The following LRRC8D variants were observed in gnomAD, a reference collection of about 807,000 sequenced individuals.
LRRC8D encodes the protein leucine rich repeat containing 8 VRAC subunit D, also known as volume-regulated anion channel subunit LRRC8D.
Under a neutral mutation model 55.8 loss-of-function variants are expected in LRRC8D, and 20 were observed. The ratio of observed to expected loss-of-function variants is 0.36; its 90% CI spans 0.25 to 0.52. LRRC8D has a LOEUF of 0.52. Ranked by LOEUF, LRRC8D falls within the 20% of genes least tolerant of loss-of-function variation. The pLI, the probability that LRRC8D is intolerant of heterozygous loss-of-function variation, is 0.93. For missense variants in LRRC8D, 651 were observed against 1,030.8 expected (o/e 0.63, Z 5.05); for synonymous variants, 352 against 377.0 (o/e 0.93, Z 0.77).
chr1:89,932,173 C>A (rs897412730), intron 2 of LRRC8D, among the ~76,000 whole-genome samples: 1 of 152,176 alleles, frequency 6.6e-6, no homozygotes, highest in Non-Finnish European at 1.5e-5. Context: ...TTTCAAGTTT[C>A]CTGGCACCGG....
chr1:89,876,702 T>G (rs749690710), intron 2 of LRRC8D, among the ~76,000 whole-genome samples: 4 of 152,240 alleles, frequency 2.6e-5, no homozygotes, highest in Non-Finnish European at 5.9e-5. Context: ...AAAGTTTCTT[T>G]GGAACATAGC....
chr1:89,902,157 T>G (rs1362639021), intron 2 of LRRC8D, among the ~76,000 whole-genome samples: 1 of 152,280 alleles, frequency 6.6e-6, no homozygotes, highest in Admixed American at 6.5e-5. Context: ...CCACAACAAT[T>G]AAATGCCAGA....
chr1:89,870,529 T>C (rs1661981350), intron 2 of LRRC8D, among the ~76,000 whole-genome samples: 1 of 152,258 alleles, frequency 6.6e-6, no homozygotes, highest in East Asian at 1.9e-4. Flanking sequence ...CTCAGTTTTC[T>C]AAGTCAAGAA....
At position 89,843,458 on chromosome 1, in the gene LRRC8D, A is replaced by T. The variant is rs1387907844; in HGVS notation, c.-147-180A>T. 3 of 420,024 alleles carry T rather than the reference A, an allele frequency of 7.1e-6. No homozygotes were observed. The East Asian group carries it at 1.2e-4, about 16-fold the overall frequency. 26.0% of individuals were successfully genotyped at this position (420,024 alleles called of 1,614,324 possible). ...CGGGCCGAGGCCGCGCCACCTCGGCACCACGCGGGCAGCCGGTGCGGCGGG... is the reference window on the plus strand; with the variant it reads ...CGGGCCGAGGCCGCGCCACCTCGGCTCCACGCGGGCAGCCGGTGCGGCGGG... On this transcript the variant is annotated intron_variant, in intron 1 of 2. Coordinates refer to ENST00000337338, the MANE Select transcript of LRRC8D (RefSeq NM_001134479.2).
intron 2 of LRRC8D, among the ~76,000 whole-genome samples, chr1:89,883,221 CGTGTGTGT>C (rs149154219): frequency 2.0e-5 from 3 of 149,048 alleles, no homozygotes; most frequent in African/African-American, 7.3e-5. Flanking sequence ...CGTGTGTAGG[CGTGTGTGT>C]GTGTGTGTGT....
intron 2 of LRRC8D, among the ~76,000 whole-genome samples, chr1:89,917,190 A>G (rs1187291225): frequency 3.3e-5 from 5 of 152,120 alleles, no homozygotes; most frequent in Non-Finnish European, 5.9e-5. Flanking sequence ...GGTGCAAACT[A>G]TTTGCCCTAA....
chr1:89,933,908 T>A lies in LRRC8D; in HGVS notation c.840T>A (p.Asp280Glu). 1 of 1,613,908 alleles carries A rather than the reference T, an allele frequency of 6.2e-7. No homozygotes were observed. Among genetic ancestry groups the A allele is most frequent in the Non-Finnish European group, 8.5e-7 (1 of 1,179,892 alleles). The change falls in exon 3 of 3, where the codon GAT (aspartate) becomes GAA (glutamate). Residue 280 changes from aspartate to glutamate, a missense_variant. Transcript: ENST00000337338. The surrounding 1 kb of genome is among the most constrained non-coding windows in gnomAD (Gnocchi z 7.0). ...GCATGACAATCCTGGATAAAAAGGA[T>A]GGAGAGCAGGCCAAAGCCCTGTTTG... is the stretch of plus-strand genomic sequence containing the variant. Reference protein sequence around the residue: ...VPSMTILDKKDGEQAKALFEK... With the variant: ...VPSMTILDKKEGEQAKALFEK...
chr1:89,897,954 A>G (rs550050449), intron 2 of LRRC8D, among the ~76,000 whole-genome samples: 4 of 152,140 alleles, frequency 2.6e-5, no homozygotes, highest in Admixed American at 6.5e-5. Flanking sequence ...TCATGGTGTG[A>G]TAATTGGAGG....
intron 1 of LRRC8D, among the ~76,000 whole-genome samples, chr1:89,825,458 G>A (rs181591716): frequency 2.0e-5 from 3 of 152,318 alleles, no homozygotes; most frequent in South Asian, 2.1e-4. Context: ...CTAATGTTTT[G>A]TGCAAATCTG....
intron 2 of LRRC8D, among the ~76,000 whole-genome samples, chr1:89,873,568 C>T (rs1186452752): frequency 6.6e-6 from 1 of 152,072 alleles, no homozygotes; most frequent in Non-Finnish European, 1.5e-5. Context: ...TCCAGATAAA[C>T]AATGGACACA....
At chr1:89,891,187 T>C (rs948507155) in intron 2 of LRRC8D, among the ~76,000 whole-genome samples, 14 of 152,210 alleles carry the variant, frequency 9.2e-5, no homozygotes, top group African/African-American at 3.1e-4. Flanking sequence ...GCCTCAGTTT[T>C]TGTCTTTCAT....
At chr1:89,850,931 A>T (rs866932861) in intron 2 of LRRC8D, among the ~76,000 whole-genome samples, 1 of 152,216 alleles carries the variant, frequency 6.6e-6, no homozygotes, top group African/African-American at 2.4e-5. Flanking sequence ...TTTTGCAGCT[A>T]CACATTTTCT....
intron 1 of LRRC8D, among the ~76,000 whole-genome samples, chr1:89,837,173 G>C (rs1661022149): frequency 6.6e-6 from 1 of 152,200 alleles, no homozygotes; most frequent in Admixed American, 6.5e-5. Flanking sequence ...TGAAATCCAG[G>C]ATTCTGGTCA....
At chr1:89,905,752 C>T (rs1173811422) in intron 2 of LRRC8D, among the ~76,000 whole-genome samples, 2 of 152,140 alleles carry the variant, frequency 1.3e-5, no homozygotes, top group Non-Finnish European at 2.9e-5. Context: ...CTGCTTTCCC[C>T]CAGCAGGAGA....
At chr1:89,822,879 CAACT>C (rs1660675078) in intron 1 of LRRC8D, among the ~76,000 whole-genome samples, 2 of 152,252 alleles carry the variant, frequency 1.3e-5, no homozygotes, top group South Asian at 2.1e-4. Flanking sequence ...GTCTTGACAC[CAACT>C]AACTAAATCC....
chr1:89,891,836 A>T (rs947016581), intron 2 of LRRC8D, among the ~76,000 whole-genome samples: 1 of 152,050 alleles, frequency 6.6e-6, no homozygotes, highest in African/African-American at 2.4e-5. Flanking sequence ...TTCCTGGAGC[A>T]CCCTCTCCAG....
chr1:89,828,091 G>C (rs1660805508), intron 1 of LRRC8D, among the ~76,000 whole-genome samples: 1 of 152,196 alleles, frequency 6.6e-6, no homozygotes, highest in African/African-American at 2.4e-5. Context: ...TAGTAGTTGT[G>C]CACGAAGGCT....
chr1:89,904,634 T>C (rs1662946184), intron 2 of LRRC8D, among the ~76,000 whole-genome samples: 1 of 152,200 alleles, frequency 6.6e-6, no homozygotes, highest in Non-Finnish European at 1.5e-5. Flanking sequence ...GCACAGGTAT[T>C]AGGACCAGAC....
chr1:89,877,894 T>C (rs1662185444), intron 2 of LRRC8D, among the ~76,000 whole-genome samples: 1 of 152,236 alleles, frequency 6.6e-6, no homozygotes, highest in Non-Finnish European at 1.5e-5. Context: ...GGAAGTATGT[T>C]TCTATTTTAT....
Sources: allele counts gnomAD v4.1 joint callset (sites outside exome capture counted in the v4.1 genomes callset), GRCh38; gene constraint gnomAD v4.1.1; non-coding constraint Gnocchi (gnomAD v3.1); transcripts MANE v1.5; gene names NCBI Gene and HGNC (gene_info 2026-07-23, HGNC 2026-07-21).